The following PAPOLA variants were observed in gnomAD, a reference collection of about 807,000 sequenced individuals.
The protein encoded by PAPOLA is poly(A) polymerase alpha.
In PAPOLA, 15 loss-of-function variants were observed where a neutral mutation model predicts 100.6. The observed-to-expected ratio is 0.15, with a 90% CI of 0.10 to 0.23. The LOEUF is 0.23. PAPOLA is among the 10% of genes least tolerant of loss of function. The probability of loss-of-function intolerance (pLI) is 1.00; values close to 1 mark genes in which losing one functional copy is unlikely to be tolerated. For synonymous variants in PAPOLA, 293 were observed against 300.0 expected, an observed-to-expected ratio of 0.98 and a Z score of 0.24; for missense variants, 533 against 884.2, an observed-to-expected ratio of 0.60 and a Z score of 5.04.
At chr14:96,502,687 G>A in intron 1 of PAPOLA, 87 bp downstream of exon 1, 1 of 1,458,900 alleles carries the variant, frequency 6.9e-7, no homozygotes, top group Non-Finnish European at 9.2e-7. Flanking sequence ...CGGAGAGGGT[G>A]GCACGCGAGC....
At chr14:96,547,332 G>C (rs1158876132) in intron 15 of PAPOLA, among the ~76,000 whole-genome samples, 1 of 151,984 alleles carries the variant, frequency 6.6e-6, no homozygotes, top group East Asian at 1.9e-4. Flanking sequence ...TACTATATTA[G>C]AAAGTATGTC....
At position 96,502,709 on chromosome 14, in the gene PAPOLA, C is replaced by T. The variant is rs1302525509; in HGVS notation, c.8+109C>T. 2.1e-5 allele frequency: 26 copies of T among 1,245,994 alleles called. No individual in the cohort carries two copies. In the East Asian group the frequency reaches 3.0e-4, roughly 15 times the overall value. The allele number at this position is 1,245,994 out of a possible 1,614,324, so 77.2% of individuals were successfully genotyped here. A position where few individuals can be genotyped will look rare whatever the true frequency, so the allele number is the denominator to read the frequency against. On this transcript the variant is annotated intron_variant, in intron 1 of 21. Coordinates refer to ENST00000216277, the MANE Select transcript of PAPOLA (RefSeq NM_032632.5). ...GGTGGCACGCGAGCCCGACCCTCCC[C>T]GCTGGTAGGAGGCAGGCAGGACTGG...
intron 13 of PAPOLA, 61 bp from the exon 14 acceptor site, chr14:96,542,713 T>G (rs559857561): frequency 2.6e-5 from 39 of 1,494,514 alleles, no homozygotes; most frequent in Non-Finnish European, 3.3e-5. Context: ...TATGTGCATT[T>G]TATTTATTTA....
At position 96,527,500 on chromosome 14, in the gene PAPOLA, T is replaced by C; in HGVS notation, c.402T>C (p.Tyr134=). 1.9e-6 allele frequency: 3 copies of C among 1,607,154 alleles called. No individual in the cohort carries two copies. The highest frequency in any genetic ancestry group is 2.6e-6 in the Non-Finnish European group (3 of 1,173,758). ...GAAGTGACTTTTTCACCTCATTCTA[T>C]GATAAGTTGAAATTACAGGAAGAAG... ...VDRSDFFTSF[Y]DKLKLQEEVK... The change falls in exon 5 of 22, where the codon TAT becomes TAC. Residue 134 remains tyrosine, a synonymous_variant. Transcript: ENST00000216277.
At chr14:96,556,025 G>C (rs750772495) in intron 18 of PAPOLA, 78 bp downstream of exon 18, 3 of 1,190,252 alleles carry the variant, frequency 2.5e-6, no homozygotes, top group Non-Finnish European at 3.7e-6. Context: ...AAGTGGGTTT[G>C]TTAAGTAGTT....
intron 1 of PAPOLA, among the ~76,000 whole-genome samples, chr14:96,507,041 T>C (rs1469981208): frequency 1.3e-5 from 2 of 152,088 alleles, no homozygotes; most frequent in African/African-American, 4.8e-5. Flanking sequence ...TATTTGAGCT[T>C]ACAAGTTCAA....
Position 96,520,162 on chromosome 14 carries a change from C to A in PAPOLA, c.116C>A (p.Thr39Lys), listed in dbSNP as rs1897826433. The change falls in exon 2 of 22, where the codon ACA becomes AAA. Residue 39 changes from threonine (T) to lysine (K), a missense_variant. By Grantham distance (78) the Thr-to-Lys change is moderately conservative. This residue lies in a region of PAPOLA where 48 missense variants were observed against 52.3 expected (regional missense o/e 0.92). Coordinates refer to ENST00000216277, the MANE Select transcript of PAPOLA (RefSeq NM_032632.5). The stretch of plus-strand genomic sequence containing the variant: ...CCCAAGGAGACTGACTGCGTACTTA[C>A]ACAGAAACTAATTGAGACATTGAAA... ...AAPKETDCVLTQKLIETLKPF... is the reference protein window; with the variant it reads ...AAPKETDCVLKQKLIETLKPF... 3 of 1,613,824 alleles carry A rather than the reference C, an allele frequency of 1.9e-6. No homozygotes were observed. Among genetic ancestry groups the A allele is most frequent in the Non-Finnish European group, 8.5e-7 (1 of 1,179,866 alleles).
At chr14:96,558,971 A>G (rs2140333421) in intron 19 of PAPOLA, among the ~76,000 whole-genome samples, 1 of 152,008 alleles carries the variant, frequency 6.6e-6, no homozygotes, top group South Asian at 2.1e-4. Flanking sequence ...AGTGTCCTTT[A>G]AAATATAGAT....
chr14:96,511,296 C>A (rs776152018), intron 1 of PAPOLA, among the ~76,000 whole-genome samples: 1 of 152,062 alleles, frequency 6.6e-6, no homozygotes, highest in Non-Finnish European at 1.5e-5. Context: ...TGTGGTGGCT[C>A]ATGCCCGTAA....
chr14:96,534,982 T>A (rs1899393641), intron 10 of PAPOLA: 1 of 985,962 alleles, frequency 1.0e-6, no homozygotes, highest in East Asian at 1.1e-4. Context: ...GCATATAACT[T>A]CTAAGCATTT....
intron 1 of PAPOLA, among the ~76,000 whole-genome samples, chr14:96,515,484 T>C (rs1897389702): frequency 6.6e-6 from 1 of 152,186 alleles, no homozygotes; most frequent in African/African-American, 2.4e-5. Context: ...GCATTAGATG[T>C]GGATGAAAAG....
chr14:96,502,731 C>A, intron 1 of PAPOLA, 131 bp downstream of exon 1: 1 of 967,160 alleles, frequency 1.0e-6, no homozygotes, highest in Non-Finnish European at 1.5e-6. Flanking sequence ...GCAGGCAGGA[C>A]TGGGGACCTT....
chr14:96,538,732 G>A (rs571292431), intron 12 of PAPOLA, among the ~76,000 whole-genome samples: 2 of 152,012 alleles, frequency 1.3e-5, no homozygotes, highest in Non-Finnish European at 1.5e-5. Context: ...ATAAAGTGAT[G>A]ACTATCATTA....
chr14:96,532,806 A>G (rs1899150490), intron 9 of PAPOLA, 157 bp downstream of exon 9: 6 of 1,344,252 alleles, frequency 4.5e-6, no homozygotes, highest in African/African-American at 1.5e-5. Context: ...TAAAATGGCA[A>G]ACTGAAACTA....
chr14:96,505,078 T>G (rs1173613542), intron 1 of PAPOLA, among the ~76,000 whole-genome samples: 1 of 152,218 alleles, frequency 6.6e-6, no homozygotes, highest in Non-Finnish European at 1.5e-5. Flanking sequence ...AAGATTATAG[T>G]CTGATTTAAG....
At chr14:96,547,973 G>T in intron 16 of PAPOLA, 55 bp downstream of exon 16, 2 of 1,394,566 alleles carry the variant, frequency 1.4e-6, no homozygotes, top group Non-Finnish European at 2.0e-6. Context: ...TTATGCATCT[G>T]GACTATCATT....
chr14:96,521,779 T>A (rs1897986350), intron 3 of PAPOLA, among the ~76,000 whole-genome samples: 3 of 151,846 alleles, frequency 2.0e-5, no homozygotes, highest in African/African-American at 7.2e-5. Flanking sequence ...GCCCGGCCTA[T>A]TTAGTTTTCT....
intron 16 of PAPOLA, among the ~76,000 whole-genome samples, chr14:96,550,776 G>C (rs1181178788): frequency 1.3e-5 from 2 of 152,144 alleles, no homozygotes; most frequent in African/African-American, 4.8e-5. Context: ...GTTTGCATTA[G>C]TAAAATAGCA....
At position 96,502,655 on chromosome 14, in the gene PAPOLA, T is replaced by G. The variant is rs1217308867; in HGVS notation, c.8+55T>G. On this transcript the variant is annotated intron_variant, in intron 1 of 21. Coordinates refer to ENST00000216277, the MANE Select transcript of PAPOLA (RefSeq NM_032632.5). ...CTCGCCGGCTGGGCCTTGGGGGGCG[T>G]CCGGGAAGGGGAAGAGGTAGGCGGA... 6 of 1,546,018 alleles carry G rather than the reference T, an allele frequency of 3.9e-6. No homozygotes were observed. The African/African-American group carries it at 5.6e-5, about 14-fold the overall frequency.
Sources: allele counts gnomAD v4.1 joint callset (sites outside exome capture counted in the v4.1 genomes callset), GRCh38; gene constraint gnomAD v4.1.1; regional missense constraint gnomAD v4.1.1; transcripts MANE v1.5; gene names NCBI Gene and HGNC (gene_info 2026-07-23, HGNC 2026-07-21).